GCH1: variants seen among roughly 807,000 people sequenced by gnomAD.
GCH1 encodes GTP cyclohydrolase I.
Under a neutral mutation model 25.9 loss-of-function variants are expected in GCH1, and 5 were observed. That is an observed-to-expected ratio of 0.19 (90% CI 0.10 to 0.41). The LOEUF is 0.41. Ranked by LOEUF, GCH1 falls within the 10% of genes least tolerant of loss-of-function variation. The probability of loss-of-function intolerance (pLI) is 1.00; values close to 1 mark genes in which losing one functional copy is unlikely to be tolerated. For synonymous variants in GCH1, 159 were observed against 129.6 expected, an observed-to-expected ratio of 1.23 and a Z score of -1.54; for missense variants, 261 against 336.5, an observed-to-expected ratio of 0.78 and a Z score of 1.75.
At chr14:54,848,835 G>C (rs747627356) in intron 3 of GCH1, among the ~76,000 whole-genome samples, 1 of 152,076 alleles carries the variant, frequency 6.6e-6, no homozygotes, top group Non-Finnish European at 1.5e-5. Context: ...ACCTTAGAAA[G>C]GAATGGTTTT....
chr14:54,869,414 G>A (rs956928092), intron 1 of GCH1, among the ~76,000 whole-genome samples: 1 of 152,170 alleles, frequency 6.6e-6, no homozygotes, highest in Non-Finnish European at 1.5e-5. Flanking sequence ...ACTGGGGAAA[G>A]GGTATATGAA....
intron 1 of GCH1, among the ~76,000 whole-genome samples, chr14:54,880,009 A>C (rs1244626558): frequency 8.0e-6 from 1 of 125,322 alleles, no homozygotes; most frequent in Non-Finnish European, 1.7e-5. Context: ...AAAAAAAAAA[A>C]GACATGAAAG....
intron 1 of GCH1, among the ~76,000 whole-genome samples, chr14:54,893,251 T>A (rs1422130595): frequency 1.3e-5 from 2 of 152,212 alleles, no homozygotes; most frequent in Non-Finnish European, 2.9e-5. Context: ...TTTATAACCA[T>A]GGGAAACATA....
intron 1 of GCH1, among the ~76,000 whole-genome samples, chr14:54,872,049 A>T (rs942742098): frequency 2.6e-5 from 4 of 152,178 alleles, no homozygotes; most frequent in African/African-American, 9.7e-5. Context: ...TAATTGTCAG[A>T]TTCACCAAAG....
At chr14:54,867,448 C>T (rs769760112) in intron 1 of GCH1, among the ~76,000 whole-genome samples, 2 of 151,736 alleles carry the variant, frequency 1.3e-5, no homozygotes, top group East Asian at 1.9e-4. Context: ...ATAAGCCAGG[C>T]GTGGTGGTGC....
intron 5 of GCH1, among the ~76,000 whole-genome samples, 175 bp from the exon 6 acceptor site, chr14:54,844,318 T>C (rs1030646907): frequency 3.3e-5 from 5 of 152,220 alleles, no homozygotes; most frequent in African/African-American, 7.2e-5. Flanking sequence ...GTTCTTGCTA[T>C]TGAACATAAT....
At position 54,845,768 on chromosome 14, in the gene GCH1, G is replaced by A. The variant is rs141634133; in HGVS notation, c.626C>T (p.Thr209Ile). 1.3e-5 allele frequency: 21 copies of A among 1,560,948 alleles called. No individual in the cohort carries two copies. The highest frequency in any genetic ancestry group is 4.5e-5 in the East Asian group (2 of 44,630). ...PAGVGVVVEA[T>I]HMCMVMRGVQ... Reference sequence around the variant, plus strand: ...TTACTAAAGGCAGATGCAGACTTACGTTGCTTCAACCACTACCCCGACTCC... The same window carrying A: ...TTACTAAAGGCAGATGCAGACTTACATTGCTTCAACCACTACCCCGACTCC... Residue 209 changes from threonine (T) to isoleucine (I), a missense_variant and splice_region_variant, in exon 5 of 6, where the codon ACA becomes ATA. By Grantham distance (89) the Thr-to-Ile change is moderately conservative (BLOSUM62 -1). Coordinates refer to ENST00000491895, the MANE Select transcript of GCH1 (RefSeq NM_000161.3).
intron 1 of GCH1, chr14:54,886,133 G>A: frequency 1.3e-5 from 2 of 158,416 alleles, no homozygotes; most frequent in Admixed American, 6.4e-5. Flanking sequence ...TCCTCAGTCA[G>A]CATCCTGACA....
At chr14:54,850,745 T>TG (rs1252852210) in intron 3 of GCH1, among the ~76,000 whole-genome samples, 10 of 152,172 alleles carry the variant, frequency 6.6e-5, no homozygotes, top group African/African-American at 2.2e-4. Flanking sequence ...TTTCTGTCCT[T>TG]GCGATAGTTT....
At chr14:54,872,052 C>T (rs1039882780) in intron 1 of GCH1, among the ~76,000 whole-genome samples, 1 of 152,086 alleles carries the variant, frequency 6.6e-6, no homozygotes, top group Admixed American at 6.6e-5. Context: ...TTGTCAGATT[C>T]ACCAAAGTTG....
At chr14:54,898,936 T>C (rs2040524186) in intron 1 of GCH1, among the ~76,000 whole-genome samples, 1 of 152,164 alleles carries the variant, frequency 6.6e-6, no homozygotes. Context: ...ATTTTCTTAA[T>C]TTTTAAATTT....
rs116627615 is a variant in GCH1, at chr14:54,890,986, G to T, written c.343+11335C>A. Among the ~76,000 whole-genome samples the T allele has an allele frequency of 2.0e-3, 304 of 152,228 alleles. 1 individual carries two copies. Among genetic ancestry groups the T allele is most frequent in the African/African-American group, 7.2e-3 (298 of 41,520 alleles). ...TCATCTTTGTTTCCCCTTTAACAGT[G>T]ACTACTCATAGAGACCATCTACAGT... On this transcript the variant is annotated intron_variant, in intron 1 of 5. Coordinates refer to ENST00000491895, the MANE Select transcript of GCH1 (RefSeq NM_000161.3).
At chr14:54,878,794 C>T (rs982553919) in intron 1 of GCH1, among the ~76,000 whole-genome samples, 22 of 152,094 alleles carry the variant, frequency 1.4e-4, no homozygotes, top group Admixed American at 1.3e-3. Flanking sequence ...GACAAGGTCT[C>T]GTCCTGTCAC....
chr14:54,874,584 C>G (rs2040130783), intron 1 of GCH1, among the ~76,000 whole-genome samples: 1 of 152,134 alleles, frequency 6.6e-6, no homozygotes, highest in Non-Finnish European at 1.5e-5. Context: ...GATTGTATAT[C>G]TAGAAAACCC....
chr14:54,896,248 T>TAGTG (rs1321922327), intron 1 of GCH1, among the ~76,000 whole-genome samples: 1 of 152,132 alleles, frequency 6.6e-6, no homozygotes, highest in East Asian at 1.9e-4. Context: ...AAACAATATA[T>TAGTG]AGTGGCCACT....
intron 1 of GCH1, among the ~76,000 whole-genome samples, chr14:54,870,011 G>C (rs1473532829): frequency 1.3e-5 from 2 of 152,146 alleles, no homozygotes; most frequent in Non-Finnish European, 2.9e-5. Context: ...TGGTTTACCA[G>C]GGCCAGAGAG....
intron 2 of GCH1, among the ~76,000 whole-genome samples, chr14:54,864,793 C>G (rs1293169930): frequency 1.3e-5 from 2 of 152,112 alleles, no homozygotes; most frequent in Admixed American, 6.6e-5. Context: ...AAAAGAAATT[C>G]ACAGAGGTGC....
chr14:54,851,532 A>G (rs1200177855), intron 3 of GCH1, among the ~76,000 whole-genome samples: 2 of 152,252 alleles, frequency 1.3e-5, no homozygotes, highest in African/African-American at 4.8e-5. Context: ...ACAAGAAAAT[A>G]TCAAACAACC....
At position 54,894,718 on chromosome 14, in the gene GCH1, C is replaced by A. The variant is rs535117883; in HGVS notation, c.343+7603G>T. Among the ~76,000 whole-genome samples the A allele has an allele frequency of 3.3e-5, 5 of 149,798 alleles. No homozygotes were observed. The South Asian group carries it at 1.0e-3, about 31-fold the overall frequency. ...ACTGTTTTATTCCACTTAGACATGTCCAAAATTCCAATCATATAATATGTC... is the reference window on the plus strand; with the variant it reads ...ACTGTTTTATTCCACTTAGACATGTACAAAATTCCAATCATATAATATGTC... On this transcript the variant is annotated intron_variant, in intron 1 of 5. Transcript: ENST00000491895.
Sources: gnomAD v4.1 joint callset for allele counts (sites outside exome capture counted in the v4.1 genomes callset) on GRCh38, gnomAD v4.1.1 for gene constraint, MANE v1.5 for transcripts, NCBI Gene and HGNC (gene_info 2026-07-23, HGNC 2026-07-21) for gene names.